Variants in ATG10 observed in about 807,000 individuals in gnomAD.
The protein encoded by ATG10 is ubiquitin-like-conjugating enzyme ATG10.
A neutral mutation model predicts 32.1 loss-of-function variants in ATG10; 30 were observed. The ratio of observed to expected loss-of-function variants is 0.94; its 90% confidence interval spans 0.70 to 1.27. The LOEUF (loss-of-function observed/expected upper bound fraction) is 1.27. Among genes scored for constraint, ATG10 ranks in the 50% most tolerant of loss-of-function variants. ATG10 has a pLI of 0.00. For missense variants in ATG10, 233 were observed against 262.3 expected (o/e 0.89, Z 0.77); for synonymous variants, 87 against 91.5 (o/e 0.95, Z 0.28).
chr5:82,012,994 G>T (rs551284495), intron 2 of ATG10, among the ~76,000 whole-genome samples: 2 of 141,572 alleles, frequency 1.4e-5, no homozygotes, highest in South Asian at 2.2e-4. Flanking sequence ...ATGGAGTCTC[G>T]CCCTGTTGCC....
intron 3 of ATG10, among the ~76,000 whole-genome samples, chr5:82,152,351 G>T (rs1261365896): frequency 6.6e-6 from 1 of 152,368 alleles, no homozygotes; most frequent in East Asian, 1.9e-4. Context: ...ATCCACGACT[G>T]TGAGCAGGAC....
intron 3 of ATG10, among the ~76,000 whole-genome samples, chr5:82,148,531 T>C (rs905752054): frequency 6.6e-6 from 1 of 152,206 alleles, no homozygotes; most frequent in Non-Finnish European, 1.5e-5. Flanking sequence ...TAAACCCAGA[T>C]TGAATATATA....
At chr5:82,231,911 A>T (rs1746381208) in intron 5 of ATG10, among the ~76,000 whole-genome samples, 1 of 152,248 alleles carries the variant, frequency 6.6e-6, no homozygotes, top group Non-Finnish European at 1.5e-5. Flanking sequence ...ATAGTATTTT[A>T]AAAATCATCT....
chr5:82,061,278 C>T (rs1287204548), intron 3 of ATG10, among the ~76,000 whole-genome samples: 6 of 152,130 alleles, frequency 3.9e-5, no homozygotes, highest in Non-Finnish European at 8.8e-5. Flanking sequence ...TATACATATA[C>T]AAACATGTAA....
chr5:82,103,493 C>G (rs913531606), intron 3 of ATG10, among the ~76,000 whole-genome samples: 3 of 152,134 alleles, frequency 2.0e-5, no homozygotes, highest in Non-Finnish European at 4.4e-5. Context: ...TTTTCTACCA[C>G]TTACCTGGGG....
chr5:82,125,454 T>C (rs149200526), intron 3 of ATG10, among the ~76,000 whole-genome samples: 1,952 of 152,274 alleles, frequency 0.013, 26 homozygotes, highest in African/African-American at 0.042. Context: ...TTTTGCGTAA[T>C]GTGTAAGGAA....
At chr5:82,036,783 A>G (rs569642620) in intron 2 of ATG10, among the ~76,000 whole-genome samples, 1 of 151,938 alleles carries the variant, frequency 6.6e-6, no homozygotes, top group East Asian at 1.9e-4. Context: ...AGTTTTCTTG[A>G]TATTAGGTAT....
Position 82,068,569 on chromosome 5 carries a change from GAAA to G in ATG10, c.216+9976_216+9978del, listed in dbSNP as rs144537613. On this transcript the variant is annotated intron_variant, in intron 3 of 7. Coordinates refer to ENST00000282185, the MANE Select transcript of ATG10 (RefSeq NM_031482.5). ...TAAAGTATATATATAATTCTTATCTGAAAAAAAAAAAGACACTTAATAGATTGT... is the reference window on the plus strand; with the variant it reads ...TAAAGTATATATATAATTCTTATCTGAAAAAAAAGACACTTAATAGATTGT... 1.1e-4 allele frequency among the ~76,000 whole-genome samples: 15 copies of G among 141,498 alleles called. No individual in the cohort carries two copies. The East Asian group carries it at 2.6e-3, about 25-fold the overall frequency. 92.8% of individuals were successfully genotyped at this position (141,498 alleles called of 152,430 possible).
intron 2 of ATG10, among the ~76,000 whole-genome samples, chr5:82,000,489 A>G (rs1761816240): frequency 6.6e-6 from 1 of 152,210 alleles, no homozygotes; most frequent in African/African-American, 2.4e-5. Flanking sequence ...AGAAAAAGAA[A>G]GAAAGAGCAT....
intron 5 of ATG10, among the ~76,000 whole-genome samples, chr5:82,231,708 T>C (rs1746374008): frequency 6.6e-6 from 1 of 152,150 alleles, no homozygotes; most frequent in African/African-American, 2.4e-5. Context: ...TGGAGTCTCT[T>C]TGGAGAGAGC....
At chr5:82,031,600 A>T (rs1385550298) in intron 2 of ATG10, among the ~76,000 whole-genome samples, 2 of 152,256 alleles carry the variant, frequency 1.3e-5, no homozygotes, top group Non-Finnish European at 1.5e-5. Flanking sequence ...GTGAAAAAAC[A>T]CATGCAAATG....
chr5:82,196,456 G>A (rs182129593), intron 5 of ATG10, among the ~76,000 whole-genome samples: 3 of 152,056 alleles, frequency 2.0e-5, no homozygotes, highest in South Asian at 2.1e-4. Flanking sequence ...AAACTGTTAC[G>A]TATCCTAAGG....
intron 5 of ATG10, among the ~76,000 whole-genome samples, chr5:82,215,687 G>A (rs1004769609): frequency 2.0e-5 from 3 of 152,082 alleles, no homozygotes; most frequent in Non-Finnish European, 4.4e-5. Context: ...TGTAATCCCA[G>A]CACTTTGGGA....
chr5:81,987,601 A>G lies in ATG10; in HGVS notation c.31A>G (p.Thr11Ala). 1 of 1,612,360 alleles carries G rather than the reference A, an allele frequency of 6.2e-7. No homozygotes were observed. The highest frequency in any genetic ancestry group is 8.5e-7 in the Non-Finnish European group (1 of 1,179,460). Residue 11 changes from threonine to alanine, a missense_variant, in exon 2 of 8, where the codon ACA (threonine) becomes GCA (alanine). Thr to Ala is a moderately conservative substitution (Grantham distance 58, BLOSUM62 0). Coordinates refer to ENST00000282185, the MANE Select transcript of ATG10 (RefSeq NM_031482.5). MEEDEFIGEK[T>A]FQRYCAEFIK... ...AGAAGATGAGTTCATTGGAGAAAAA[A>G]CATTCCAACGTTATTGTGCAGAATT... is the stretch of plus-strand genomic sequence containing the variant.
chr5:82,209,162 A>C (rs1745404528), intron 5 of ATG10, among the ~76,000 whole-genome samples: 1 of 152,156 alleles, frequency 6.6e-6, no homozygotes, highest in Non-Finnish European at 1.5e-5. Context: ...ATTTTTAATA[A>C]AAAACTTGAT....
intron 3 of ATG10, among the ~76,000 whole-genome samples, chr5:82,084,349 C>T (rs151331050): frequency 0.21 from 31,507 of 152,054 alleles, 3,373 homozygotes; most frequent in South Asian, 0.29. Flanking sequence ...ACCAAATCTA[C>T]GTCTGATTGG....
chr5:82,116,924 A>G (rs1428271456), intron 3 of ATG10, among the ~76,000 whole-genome samples: 1 of 152,116 alleles, frequency 6.6e-6, no homozygotes, highest in East Asian at 1.9e-4. Context: ...GTCAAAACCT[A>G]GAAAAAGTAT....
chr5:82,052,328 A>G (rs141225906), intron 2 of ATG10, among the ~76,000 whole-genome samples: 2 of 152,166 alleles, frequency 1.3e-5, no homozygotes, highest in East Asian at 3.8e-4. Context: ...GCCCTATGAC[A>G]GCTTGTACTA....
intron 3 of ATG10, among the ~76,000 whole-genome samples, chr5:82,115,362 A>T (rs1264792691): frequency 1.3e-5 from 2 of 152,050 alleles, no homozygotes; most frequent in Non-Finnish European, 2.9e-5. Context: ...TTGCTTTAGG[A>T]AAAAAGTATT....
Sources: gnomAD v4.1 joint callset for allele counts (sites outside exome capture counted in the v4.1 genomes callset) on GRCh38, gnomAD v4.1.1 for gene constraint, MANE v1.5 for transcripts, NCBI Gene and HGNC (gene_info 2026-07-23, HGNC 2026-07-21) for gene names.